The following ADARB2 variants were observed in gnomAD, a reference collection of about 807,000 sequenced individuals.
The protein encoded by ADARB2 is adenosine deaminase RNA specific B2 (inactive).
In ADARB2, 25 loss-of-function variants were observed where a neutral mutation model predicts 62.2. The ratio of observed to expected loss-of-function variants is 0.40; its 90% CI spans 0.29 to 0.56. The LOEUF (loss-of-function observed/expected upper bound fraction) is 0.56, where lower values mean the gene tolerates loss of function less well. ADARB2 is among the 20% of genes least tolerant of loss of function. The probability of loss-of-function intolerance (pLI) is 0.43; values close to 1 mark genes in which losing one functional copy is unlikely to be tolerated. For synonymous variants in ADARB2, 572 were observed against 500.8 expected (o/e 1.14, Z -1.90); for missense variants, 1,071 against 1,077.4 (o/e 0.99, Z 0.08).
chr10:1,339,905 A>C (rs916495807), intron 3 of ADARB2, among the ~76,000 whole-genome samples: 1 of 152,118 alleles, frequency 6.6e-6, no homozygotes, highest in African/African-American at 2.4e-5. Flanking sequence ...CTCTCACAGC[A>C]GCACTCCTGC....
chr10:1,280,907 C>A (rs1351687809), intron 3 of ADARB2, among the ~76,000 whole-genome samples: 1 of 152,168 alleles, frequency 6.6e-6, no homozygotes, highest in Non-Finnish European at 1.5e-5. Context: ...AGGGTTGGGG[C>A]CAGGGTGAAG....
At chr10:1,528,058 A>G (rs767011705) in intron 1 of ADARB2, among the ~76,000 whole-genome samples, 4 of 152,208 alleles carry the variant, frequency 2.6e-5, no homozygotes, top group Non-Finnish European at 5.9e-5. Flanking sequence ...CCCACACTTT[A>G]TGGACTCCCC....
chr10:1,233,845 G>A lies in ADARB2; in HGVS notation c.1362C>T (p.Ser454=), dbSNP rs1469715674. 3.1e-6 allele frequency: 5 copies of A among 1,613,166 alleles called. No individual in the cohort carries two copies. Among genetic ancestry groups the A allele is most frequent in the Non-Finnish European group, 4.2e-6 (5 of 1,179,630 alleles). Residue 454 remains serine (S), a splice_region_variant and synonymous_variant, in exon 6 of 10, where the codon AGC becomes AGT. Coordinates refer to ENST00000381312, the MANE Select transcript of ADARB2 (RefSeq NM_018702.4). ...FLYTQLELHL[S]KRREDSERSI... ...ATCGCTCTGAGTCCTCGCGCCGCTT[G>A]CTAGGGTCACAAAGAGGTTTGGGGT...
intron 1 of ADARB2, among the ~76,000 whole-genome samples, chr10:1,502,427 G>A (rs186761007): frequency 2.4e-3 from 364 of 152,370 alleles, no homozygotes; most frequent in African/African-American, 8.5e-3. Flanking sequence ...AGCAATAAAA[G>A]GTGCTTTTGC....
chr10:1,375,778 GCA>G (rs987695352), intron 2 of ADARB2, among the ~76,000 whole-genome samples: 13 of 150,002 alleles, frequency 8.7e-5, no homozygotes, highest in South Asian at 4.2e-4. Flanking sequence ...GCACACATGT[GCA>G]CACACATGCA....
intron 8 of ADARB2, among the ~76,000 whole-genome samples, chr10:1,186,306 G>A (rs1836758127): frequency 6.6e-6 from 1 of 152,224 alleles, no homozygotes; most frequent in South Asian, 2.1e-4. Flanking sequence ...TGGTGGGGGA[G>A]GCACGTGCTG....
chr10:1,591,099 C>T (rs574240820), intron 1 of ADARB2, among the ~76,000 whole-genome samples: 2 of 152,366 alleles, frequency 1.3e-5, no homozygotes, highest in East Asian at 1.9e-4. Context: ...TTTAATTCAT[C>T]CTTTGTGGTT....
At chr10:1,537,412 C>G (rs1031724979) in intron 1 of ADARB2, among the ~76,000 whole-genome samples, 2 of 152,226 alleles carry the variant, frequency 1.3e-5, no homozygotes, top group African/African-American at 4.8e-5. Flanking sequence ...AACAATTCCT[C>G]AAGGATCAAG....
intron 1 of ADARB2, among the ~76,000 whole-genome samples, chr10:1,451,695 G>A (rs555512690): frequency 1.3e-5 from 2 of 152,154 alleles, no homozygotes; most frequent in African/African-American, 4.8e-5. Flanking sequence ...GTATGAGGAG[G>A]AATTACACCC....
chr10:1,540,534 C>G (rs1329002120), intron 1 of ADARB2, among the ~76,000 whole-genome samples: 7 of 110,306 alleles, frequency 6.3e-5, no homozygotes, highest in African/African-American at 1.1e-4. Flanking sequence ...AGACGTAGTT[C>G]AGACCCTGGA....
At chr10:1,402,265 C>T (rs908128849) in intron 1 of ADARB2, among the ~76,000 whole-genome samples, 2 of 152,310 alleles carry the variant, frequency 1.3e-5, no homozygotes, top group South Asian at 2.1e-4. Context: ...CGCGTGCGCG[C>T]GCCGGTCTGG....
intron 1 of ADARB2, among the ~76,000 whole-genome samples, chr10:1,410,685 G>T (rs1374855973): frequency 6.6e-6 from 1 of 152,112 alleles, no homozygotes; most frequent in Non-Finnish European, 1.5e-5. Flanking sequence ...GGCTGCGGTG[G>T]TTTTCCTGTT....
intron 1 of ADARB2, among the ~76,000 whole-genome samples, chr10:1,539,086 T>A (rs1312332820): frequency 6.6e-6 from 1 of 152,132 alleles, no homozygotes; most frequent in Non-Finnish European, 1.5e-5. Flanking sequence ...CAGAGTTTCC[T>A]CTAGGAGACT....
chr10:1,362,989 A>C lies in ADARB2; in HGVS notation c.1077+39T>G, dbSNP rs769960627. ...AGGTCGGGGTCTCCCCCGCGCCCCC[A>C]GCGCCGCCCGTTCCCCCTGCACCCG... On this transcript the variant is annotated intron_variant, in intron 3 of 9. Transcript: ENST00000381312. 10 of 1,283,208 alleles carry C rather than the reference A, an allele frequency of 7.8e-6. No homozygotes were observed. In the Admixed American group the frequency reaches 3.9e-4, roughly 49 times the overall value. The allele number at this position is 1,283,208 out of a possible 1,614,324, so 79.5% of individuals were successfully genotyped here. A position where few individuals can be genotyped will look rare whatever the true frequency, so the allele number is the denominator to read the frequency against.
rs1831908330 is a variant in ADARB2, at chr10:1,510,110, C to CCCTTTCTT, written c.101-130951_101-130950insAAGAAAGG. The stretch of plus-strand genomic sequence containing the variant: ...CTCTCTCTCTCTTTTCTTTCTTTCT[C>CCCTTTCTT]TCTTTCTTTCTTTCTTTCTTTCTTT... On this transcript the variant is annotated intron_variant, in intron 1 of 9. Transcript: ENST00000381312. 8.5e-5 allele frequency among the ~76,000 whole-genome samples: 9 copies of CCCTTTCTT among 106,252 alleles called. No individual in the cohort carries two copies. The South Asian group carries it at 2.6e-3, about 31-fold the overall frequency. 69.7% of individuals were successfully genotyped at this position (106,252 alleles called of 152,430 possible). A position where few individuals can be genotyped will look rare whatever the true frequency, so the allele number is the denominator to read the frequency against.
At chr10:1,546,626 A>C (rs776219706) in intron 1 of ADARB2, among the ~76,000 whole-genome samples, 2 of 152,252 alleles carry the variant, frequency 1.3e-5, no homozygotes, top group Non-Finnish European at 2.9e-5. Context: ...ACCCTGTACC[A>C]GGCATCTCTT....
intron 2 of ADARB2, among the ~76,000 whole-genome samples, chr10:1,377,231 G>A (rs1832440589): frequency 2.2e-5 from 3 of 137,092 alleles, no homozygotes; most frequent in Admixed American, 7.2e-5. Context: ...CCTGGGGTGT[G>A]TTTGTGTGCG....
intron 6 of ADARB2, among the ~76,000 whole-genome samples, chr10:1,217,951 GC>G (rs1387150823): frequency 7.0e-6 from 1 of 143,688 alleles, no homozygotes; most frequent in East Asian, 2.1e-4. Context: ...GACACCCCCC[GC>G]CCCCCTATAC....
intron 1 of ADARB2, among the ~76,000 whole-genome samples, chr10:1,439,989 T>C (rs920821659): frequency 2.0e-5 from 3 of 148,328 alleles, no homozygotes; most frequent in Non-Finnish European, 3.0e-5. Flanking sequence ...ACTATGGGGC[T>C]CCTGAGTCTC....
Sources: allele counts gnomAD v4.1 joint callset (sites outside exome capture counted in the v4.1 genomes callset), GRCh38; gene constraint gnomAD v4.1.1; transcripts MANE v1.5; gene names NCBI Gene and HGNC (gene_info 2026-07-23, HGNC 2026-07-21).